Variants in CDH13 observed in about 807,000 individuals in gnomAD.
The protein encoded by CDH13 is cadherin 13.
CDH13 carries 24 observed loss-of-function variants against 63.8 expected under a neutral mutation model. The ratio of observed to expected loss-of-function variants is 0.38; its 90% confidence interval spans 0.27 to 0.53. The LOEUF is 0.53. CDH13 is among the 20% of genes least tolerant of loss of function. The pLI is 0.85. For synonymous variants in CDH13, 503 were observed against 355.3 expected, an observed-to-expected ratio of 1.42 and a Z score of -4.67; for missense variants, 1,049 against 903.1, an observed-to-expected ratio of 1.16 and a Z score of -2.07.
intron 4 of CDH13, among the ~76,000 whole-genome samples, chr16:83,140,339 C>T (rs760335418): frequency 1.3e-5 from 2 of 152,226 alleles, no homozygotes; most frequent in Non-Finnish European, 2.9e-5. Context: ...TTCATCAACA[C>T]GTGGTATGGC....
intron 7 of CDH13, among the ~76,000 whole-genome samples, chr16:83,525,307 A>T (rs1204225896): frequency 6.6e-6 from 1 of 152,260 alleles, no homozygotes; most frequent in Admixed American, 6.5e-5. Context: ...CCTGTGTGTC[A>T]TGCACACTGA....
chr16:82,828,421 T>C (rs1320442434), intron 1 of CDH13, among the ~76,000 whole-genome samples: 2 of 152,084 alleles, frequency 1.3e-5, no homozygotes, highest in Non-Finnish European at 2.9e-5. Context: ...AGTTCAATAC[T>C]AGCCTGGCCA....
chr16:83,736,862 C>A (rs995409221), intron 10 of CDH13, among the ~76,000 whole-genome samples: 2 of 152,192 alleles, frequency 1.3e-5, no homozygotes, highest in African/African-American at 4.8e-5. Flanking sequence ...CCCGGTATGA[C>A]CTTTGCCAGA....
intron 6 of CDH13, among the ~76,000 whole-genome samples, chr16:83,385,734 A>C (rs889713): frequency 0.11 from 16,412 of 152,154 alleles, 1,158 homozygotes; most frequent in Non-Finnish European, 0.16. Context: ...ACTACAGGAG[A>C]GGCTGGAGAA....
chr16:83,787,021 G>A (rs968700809), intron 13 of CDH13, among the ~76,000 whole-genome samples: 1 of 152,198 alleles, frequency 6.6e-6, no homozygotes, highest in Non-Finnish European at 1.5e-5. Context: ...ATTCATGTGT[G>A]TGTCCAGATG....
At chr16:83,490,300 C>T (rs2073984641) in intron 7 of CDH13, among the ~76,000 whole-genome samples, 2 of 152,300 alleles carry the variant, frequency 1.3e-5, no homozygotes, top group South Asian at 2.1e-4. Flanking sequence ...AGGTGGCAGG[C>T]ACTGGGAATT....
intron 11 of CDH13, among the ~76,000 whole-genome samples, chr16:83,776,019 G>A (rs751019625): frequency 2.6e-5 from 4 of 152,028 alleles, no homozygotes; most frequent in Admixed American, 6.5e-5. Flanking sequence ...TCTCTATCCC[G>A]TGCATAGAAA....
At position 82,876,438 on chromosome 16, in the gene CDH13, A is replaced by G. The variant is rs568960936; in HGVS notation, c.157+17965A>G. 5.3e-5 allele frequency among the ~76,000 whole-genome samples: 8 copies of G among 152,332 alleles called. No homozygotes were observed. The South Asian group carries it at 1.7e-3, about 32-fold the overall frequency. On this transcript the variant is annotated intron_variant, in intron 2 of 13. Transcript: ENST00000567109. The stretch of plus-strand genomic sequence containing the variant: ...AACCCACATTTTTGTCTTATTTTCA[A>G]GTTTTGAACCTTTTTTCTTAGTAAT...
intron 4 of CDH13, among the ~76,000 whole-genome samples, chr16:83,143,046 A>G (rs7204170): frequency 0.36 from 55,334 of 151,828 alleles, 12,883 homozygotes; most frequent in African/African-American, 0.67. Context: ...GGAGGTTGCC[A>G]TAAGCCAAGA....
intron 13 of CDH13, among the ~76,000 whole-genome samples, chr16:83,784,524 C>T (rs549645661): frequency 8.0e-5 from 12 of 150,512 alleles, no homozygotes; most frequent in Non-Finnish European, 1.6e-4. Flanking sequence ...CCCAGCTACT[C>T]GGGAGGCTGA....
chr16:82,654,653 G>A (rs146368563), intron 1 of CDH13, among the ~76,000 whole-genome samples: 1 of 152,054 alleles, frequency 6.6e-6, no homozygotes, highest in Admixed American at 6.5e-5. Context: ...TTTTATTTGG[G>A]GGCAGACATC....
chr16:83,086,013 C>G (rs548899303), intron 3 of CDH13, among the ~76,000 whole-genome samples: 2 of 152,192 alleles, frequency 1.3e-5, no homozygotes, highest in African/African-American at 2.4e-5. Flanking sequence ...GCACAGCCTT[C>G]TACAGCTAAG....
intron 3 of CDH13, among the ~76,000 whole-genome samples, chr16:83,050,887 C>G (rs1025037979): frequency 2.6e-5 from 4 of 152,136 alleles, no homozygotes; most frequent in African/African-American, 4.8e-5. Flanking sequence ...GAACCCACCA[C>G]CTTGTATTTG....
chr16:82,992,443 C>T (rs535183998), intron 2 of CDH13, among the ~76,000 whole-genome samples: 24 of 152,088 alleles, frequency 1.6e-4, no homozygotes, highest in Non-Finnish European at 3.1e-4. Context: ...ATCAGTGAGA[C>T]TTTGGGCTCT....
chr16:83,367,651 C>T (rs909041051), intron 6 of CDH13, among the ~76,000 whole-genome samples: 3 of 152,302 alleles, frequency 2.0e-5, no homozygotes, highest in Non-Finnish European at 2.9e-5. Flanking sequence ...TTTTTACCAA[C>T]ACATTATTAT....
chr16:82,859,580 G>A (rs542217424), intron 2 of CDH13: 1 of 151,966 alleles, frequency 6.6e-6, no homozygotes, highest in Admixed American at 6.6e-5. Flanking sequence ...AAAAAAAGAA[G>A]AAGAAGAAAA....
intron 1 of CDH13, among the ~76,000 whole-genome samples, chr16:82,677,632 T>A (rs1196298204): frequency 6.6e-6 from 1 of 152,284 alleles, no homozygotes; most frequent in African/African-American, 2.4e-5. Flanking sequence ...TTTAGAAGTA[T>A]CAGAGGCAGG....
At chr16:83,515,318 T>C (rs1271897173) in intron 7 of CDH13, among the ~76,000 whole-genome samples, 1 of 152,212 alleles carries the variant, frequency 6.6e-6, no homozygotes, top group Non-Finnish European at 1.5e-5. Flanking sequence ...TGCACGACAT[T>C]TCTCTTTTAA....
chr16:83,448,612 A>G (rs985923277), intron 6 of CDH13, among the ~76,000 whole-genome samples: 5 of 152,194 alleles, frequency 3.3e-5, no homozygotes, highest in Non-Finnish European at 7.3e-5. Context: ...GCAGATACTA[A>G]CTAGTATCAT....
Sources: gnomAD v4.1 joint callset for allele counts (sites outside exome capture counted in the v4.1 genomes callset) on GRCh38, gnomAD v4.1.1 for gene constraint, MANE v1.5 for transcripts, NCBI Gene and HGNC (gene_info 2026-07-23, HGNC 2026-07-21) for gene names.